CYB5R3: variants seen among roughly 807,000 people sequenced by gnomAD.
The protein encoded by CYB5R3 is NADH-cytochrome b5 reductase 3.
Under a neutral mutation model 36.5 loss-of-function variants are expected in CYB5R3, and 28 were observed. The observed-to-expected ratio is 0.77, with a 90% CI of 0.57 to 1.05. CYB5R3 has a LOEUF of 1.05. Among genes scored for constraint, CYB5R3 ranks in the 50% least tolerant of loss-of-function variants. The pLI is 0.00. For missense variants in CYB5R3, 474 were observed against 408.9 expected, an observed-to-expected ratio of 1.16 and a Z score of -1.37; for synonymous variants, 181 against 159.8, an observed-to-expected ratio of 1.13 and a Z score of -1.00.
intron 1 of CYB5R3, among the ~76,000 whole-genome samples, chr22:42,640,772 C>T (rs1482338018): frequency 1.3e-5 from 2 of 152,154 alleles, no homozygotes; most frequent in Non-Finnish European, 1.5e-5. Flanking sequence ...GCCTTCTCAA[C>T]GTGAGAACAA....
At chr22:42,638,177 C>A (rs900820292) in intron 1 of CYB5R3, among the ~76,000 whole-genome samples, 8 of 151,836 alleles carry the variant, frequency 5.3e-5, no homozygotes, top group Non-Finnish European at 1.2e-4. Flanking sequence ...GGGTGGATCA[C>A]CTGAGGTCAG....
At chr22:42,626,612 G>A (rs1441951389) in intron 7 of CYB5R3, among the ~76,000 whole-genome samples, 3 of 152,166 alleles carry the variant, frequency 2.0e-5, no homozygotes, top group Non-Finnish European at 4.4e-5. Flanking sequence ...TTGGCCTTGC[G>A]GCAGTTTTCT....
At chr22:42,629,156 G>T (rs749465850) in intron 4 of CYB5R3, among the ~76,000 whole-genome samples, 1 of 152,102 alleles carries the variant, frequency 6.6e-6, no homozygotes, top group Non-Finnish European at 1.5e-5. Context: ...AGACTTCAAC[G>T]TGAACAGATG....
chr22:42,621,218 G>GT (rs1491122839), intron 8 of CYB5R3, among the ~76,000 whole-genome samples: 3 of 149,498 alleles, frequency 2.0e-5, no homozygotes, highest in Non-Finnish European at 3.0e-5. Context: ...GTGTGTGTGT[G>GT]TTTTTAAGAG....
chr22:42,646,713 G>A lies in CYB5R3; in HGVS notation c.21+2582C>T, dbSNP rs906372852. On this transcript the variant is annotated intron_variant, in intron 1 of 8. Coordinates refer to ENST00000352397, the MANE Select transcript of CYB5R3 (RefSeq NM_000398.7). ...CCTCCCTCCTGGTCCTGTTCTAACC[G>A]GGAGGAAGTGGGAGGGAGTGGAGGA... is the stretch of plus-strand genomic sequence containing the variant. 5.2e-5 allele frequency: 51 copies of A among 985,640 alleles called. 2 individuals carry two copies. The highest frequency in any genetic ancestry group is 4.9e-4 in the Admixed American group (8 of 16,284). 61.1% of individuals were successfully genotyped at this position (985,640 alleles called of 1,614,324 possible).
chr22:42,639,842 ACTTTT>A, intron 1 of CYB5R3: 1 of 1,051,762 alleles, frequency 9.5e-7, no homozygotes, highest in Non-Finnish European at 1.3e-6. Context: ...TGCTTGATTC[ACTTTT>A]TTTTTTTTTT....
intron 8 of CYB5R3, 105 bp downstream of exon 8, chr22:42,623,684 G>T: frequency 1.1e-6 from 1 of 913,752 alleles, no homozygotes; most frequent in Non-Finnish European, 1.8e-6. Flanking sequence ...GGGCCATAGT[G>T]AGTGCCAGAT....
intron 7 of CYB5R3, among the ~76,000 whole-genome samples, chr22:42,625,078 C>A (rs1928194083): frequency 6.6e-6 from 1 of 152,070 alleles, no homozygotes; most frequent in Admixed American, 6.6e-5. Flanking sequence ...CAGGGACAGG[C>A]TTTGGGCTAG....
chr22:42,621,457 T>TGGGGCTCTCCTC, intron 8 of CYB5R3, among the ~76,000 whole-genome samples: 1 of 152,204 alleles, frequency 6.6e-6, no homozygotes, highest in East Asian at 1.9e-4. Context: ...CTGGAGTCCT[T>TGGGGCTCTCCTC]GGGGCTCTCC....
At chr22:42,647,545 C>T (rs1197316385) in intron 1 of CYB5R3, among the ~76,000 whole-genome samples, 2 of 152,116 alleles carry the variant, frequency 1.3e-5, no homozygotes, top group Non-Finnish European at 2.9e-5. Context: ...GTCAGGAGTT[C>T]GGGACCAGCT....
chr22:42,643,608 G>A (rs1305086193), intron 1 of CYB5R3, among the ~76,000 whole-genome samples: 1 of 152,118 alleles, frequency 6.6e-6, no homozygotes, highest in Non-Finnish European at 1.5e-5. Context: ...TTTGACCCAT[G>A]GGTCTAAAGG....
intron 8 of CYB5R3, 70 bp from the exon 9 acceptor site, chr22:42,620,015 T>C (rs931783410): frequency 1.1e-5 from 16 of 1,422,166 alleles, no homozygotes; most frequent in Non-Finnish European, 1.5e-5. Context: ...CGACCAACCC[T>C]AGGCGGTGAA....
chr22:42,618,858 ACT>A lies in CYB5R3; in HGVS notation c.*913_*914del, dbSNP rs1424853536. 2.0e-5 allele frequency: 3 copies of A among 151,350 alleles called. No individual in the cohort carries two copies. Among genetic ancestry groups the A allele is most frequent in the Non-Finnish European group, 4.4e-5 (3 of 67,904 alleles). 9.4% of individuals were successfully genotyped at this position (151,350 alleles called of 1,614,324 possible). ...CTTTTTTTTTTTCTGCTCATAAATG[ACT>A]CTGAAAAAGCCAATACGCAAGAGGC... On this transcript the variant is annotated 3_prime_UTR_variant, in exon 9 of 9. Transcript: ENST00000352397.
At chr22:42,634,971 ATTT>A (rs1216844856) in intron 2 of CYB5R3, among the ~76,000 whole-genome samples, 1 of 118,758 alleles carries the variant, frequency 8.4e-6, no homozygotes, top group Non-Finnish European at 1.7e-5. Context: ...CGCCCAGCTA[ATTT>A]TTTTTTTTTT....
intron 2 of CYB5R3, among the ~76,000 whole-genome samples, chr22:42,636,242 A>G (rs1928884723): frequency 6.6e-6 from 1 of 152,194 alleles, no homozygotes; most frequent in South Asian, 2.1e-4. Flanking sequence ...TGAACTCACT[A>G]ATGAAAGAAA....
At chr22:42,621,842 G>A (rs950007544) in intron 8 of CYB5R3, among the ~76,000 whole-genome samples, 1 of 152,236 alleles carries the variant, frequency 6.6e-6, no homozygotes, top group Non-Finnish European at 1.5e-5. Flanking sequence ...AGCTGGCCCC[G>A]CCCATGCCAT....
chr22:42,628,534 C>T lies in CYB5R3; in HGVS notation c.334-253G>A, dbSNP rs961574990. ...AAACCACCAGCCTCGTGTACAAGGCCGACCAACTCCAGGGCTGGATGCACT... is the reference window on the plus strand; with the variant it reads ...AAACCACCAGCCTCGTGTACAAGGCTGACCAACTCCAGGGCTGGATGCACT... On this transcript the variant is annotated intron_variant, in intron 4 of 8. Transcript: ENST00000352397. Among the ~76,000 whole-genome samples, 5 of 152,282 alleles carry T rather than the reference C, an allele frequency of 3.3e-5. No homozygotes were observed. In the South Asian group the frequency reaches 6.2e-4, roughly 19 times the overall value.
At chr22:42,639,206 C>T (rs1317342970) in intron 1 of CYB5R3, 1 of 287,418 alleles carries the variant, frequency 3.5e-6, no homozygotes, top group Non-Finnish European at 6.9e-6. Flanking sequence ...GGCAGGCTAC[C>T]CCAGCTACTC....
chr22:42,643,418 C>T (rs1175403897), intron 1 of CYB5R3, among the ~76,000 whole-genome samples: 2 of 152,102 alleles, frequency 1.3e-5, no homozygotes, highest in Non-Finnish European at 2.9e-5. Flanking sequence ...CAGGGTGCTA[C>T]AACCTCACAC....
Sources: gnomAD v4.1 joint callset for allele counts (sites outside exome capture counted in the v4.1 genomes callset) on GRCh38, gnomAD v4.1.1 for gene constraint, MANE v1.5 for transcripts, NCBI Gene and HGNC (gene_info 2026-07-23, HGNC 2026-07-21) for gene names.